LAMB4: variants seen among roughly 807,000 people sequenced by gnomAD.
LAMB4 encodes the protein laminin subunit beta 4, also known as laminin subunit beta-4.
A neutral mutation model predicts 199.2 loss-of-function variants in LAMB4; 196 were observed. The ratio of observed to expected loss-of-function variants is 0.98; its 90% CI spans 0.88 to 1.11. The LOEUF (loss-of-function observed/expected upper bound fraction) is 1.11. LAMB4 is among the 50% of genes least tolerant of loss of function. LAMB4 has a pLI of 0.00. For missense variants in LAMB4, 2,080 were observed against 2,171.2 expected (o/e 0.96, Z 0.83); for synonymous variants, 744 against 770.6 (o/e 0.97, Z 0.57).
At position 108,078,228 on chromosome 7, in the gene LAMB4, T is replaced by G. The variant is rs1340821831; in HGVS notation, c.1976A>C (p.Gln659Pro). ...CIPKTLQSKP[Q>P]SFALPAATRI... ...CGTAGCCGCTGGTAAGGCAAAAGAC[T>G]GAGGCTTTGACTGTAGAGTCTTGGG... Residue 659 changes from glutamine (Q) to proline (P), a missense_variant, in exon 16 of 34, where the codon CAG becomes CCG. Coordinates refer to ENST00000388781, the MANE Select transcript of LAMB4 (RefSeq NM_007356.3). 2 of 1,610,770 alleles carry G rather than the reference T, an allele frequency of 1.2e-6. No homozygotes were observed. Among genetic ancestry groups the G allele is most frequent in the Non-Finnish European group, 1.7e-6 (2 of 1,178,408 alleles).
At chr7:108,092,127 C>T (rs1233860168) in intron 13 of LAMB4, among the ~76,000 whole-genome samples, 4 of 152,092 alleles carry the variant, frequency 2.6e-5, no homozygotes, top group Admixed American at 2.6e-4. Context: ...ACCCATGCCA[C>T]CAGCTTGTGG....
chr7:108,057,150 C>T (rs113916826), intron 24 of LAMB4, among the ~76,000 whole-genome samples: 129 of 152,244 alleles, frequency 8.5e-4, no homozygotes, highest in South Asian at 8.3e-4. Flanking sequence ...CATCCTTAGC[C>T]GCTCTTCCCC....
At chr7:108,013,645 C>T in the LAMB4 span, among the ~76,000 whole-genome samples, 2 of 152,154 alleles carry the variant, frequency 1.3e-5, no homozygotes, top group African/African-American at 4.8e-5. Flanking sequence ...AAATTATAAT[C>T]GGGAAGGTAA....
chr7:108,031,749 A>G (rs1283855768), intron 31 of LAMB4, among the ~76,000 whole-genome samples: 4 of 152,186 alleles, frequency 2.6e-5, no homozygotes, highest in Admixed American at 2.6e-4. Flanking sequence ...AATTTTTACC[A>G]GTTTAAAGCA....
chr7:108,050,658 C>A (rs554787039), intron 26 of LAMB4, among the ~76,000 whole-genome samples: 16 of 152,256 alleles, frequency 1.1e-4, no homozygotes, highest in African/African-American at 3.9e-4. Context: ...AGGAGACAAC[C>A]ACACCTTATC....
At chr7:108,090,376 T>A (rs1055841384) in intron 14 of LAMB4, among the ~76,000 whole-genome samples, 2 of 152,228 alleles carry the variant, frequency 1.3e-5, no homozygotes, top group Non-Finnish European at 1.5e-5. Flanking sequence ...TCTTTTGTCA[T>A]AGGTATTATT....
At chr7:108,046,587 A>G (rs2035634282) in intron 28 of LAMB4, among the ~76,000 whole-genome samples, 2 of 152,170 alleles carry the variant, frequency 1.3e-5, no homozygotes, top group African/African-American at 4.8e-5. Flanking sequence ...TTCTCAAAAA[A>G]AAAGTCTAAA....
chr7:108,045,449 C>T (rs913241287), intron 28 of LAMB4, among the ~76,000 whole-genome samples: 1 of 152,164 alleles, frequency 6.6e-6, no homozygotes, highest in Non-Finnish European at 1.5e-5. Flanking sequence ...CACACCATTT[C>T]ATCAACATGA....
chr7:108,086,000 T>A (rs1242082985), intron 14 of LAMB4, among the ~76,000 whole-genome samples: 1 of 152,162 alleles, frequency 6.6e-6, no homozygotes, highest in Non-Finnish European at 1.5e-5. Context: ...TGCTGCCAGA[T>A]CCCCTTTACT....
intron 23 of LAMB4, among the ~76,000 whole-genome samples, chr7:108,058,920 G>C (rs755028609): frequency 1.4e-4 from 21 of 151,898 alleles, no homozygotes; most frequent in Non-Finnish European, 2.8e-4. Context: ...GCCTCCCAAA[G>C]TGCTGGGATT....
the LAMB4 span, among the ~76,000 whole-genome samples, chr7:108,016,275 ATTTTTTTTTTTTTT>A: frequency 1.0e-5 from 1 of 97,834 alleles, no homozygotes; most frequent in African/African-American, 4.8e-5. Context: ...GCATTTTGGA[ATTTTTTTTTTTTTT>A]TTTTTTTTTT....
At chr7:108,072,312 G>A (rs879930933) in intron 17 of LAMB4, among the ~76,000 whole-genome samples, 1 of 152,048 alleles carries the variant, frequency 6.6e-6, no homozygotes, top group Admixed American at 6.5e-5. Context: ...ACTTCATTGT[G>A]TCTTCTGGTG....
intron 13 of LAMB4, 122 bp from the exon 14 acceptor site, chr7:108,091,898 G>C (rs1050409488): frequency 1.1e-6 from 1 of 948,752 alleles, no homozygotes; most frequent in African/African-American, 1.6e-5. Flanking sequence ...TCAATCAATG[G>C]TCCTGTGGGA....
chr7:108,058,080 C>T (rs2036044130), intron 23 of LAMB4, 152 bp from the exon 24 acceptor site: 4 of 632,428 alleles, frequency 6.3e-6, no homozygotes, highest in East Asian at 5.5e-5. Flanking sequence ...CAGCCACCCC[C>T]GACAATACCA....
rs2036462616 is a variant in LAMB4, at chr7:108,069,656, G to A, written c.2302+52C>T. The stretch of plus-strand genomic sequence containing the variant: ...AACATAAATTGATTTGCTCCAAAAA[G>A]CATTTGTATGGATGTCAGTGCCTCA... On this transcript the variant is annotated intron_variant, in intron 18 of 33. Coordinates refer to ENST00000388781, the MANE Select transcript of LAMB4 (RefSeq NM_007356.3). The A allele has an allele frequency of 5.2e-6, 8 of 1,523,816 alleles. 1 individual carries two copies. The highest frequency in any genetic ancestry group is 7.2e-6 in the Non-Finnish European group (8 of 1,116,188). 94.4% of individuals were successfully genotyped at this position (1,523,816 alleles called of 1,614,324 possible). A position where few individuals can be genotyped will look rare whatever the true frequency, so the allele number is the denominator to read the frequency against.
Position 108,055,740 on chromosome 7 carries a change from T to C in LAMB4, c.3647A>G (p.Asp1216Gly). Residue 1216 changes from aspartate (D) to glycine (G), a missense_variant, in exon 25 of 34, where the codon GAC becomes GGC. Transcript: ENST00000388781. ...KRETLPVCEA[D>G]FKDLRGNVSE... ...CACGTTCCCTCTGAGGTCTTTGAAGTCTGCCTCACAGACAGGCAGGGTCTC... is the reference window on the plus strand; with the variant it reads ...CACGTTCCCTCTGAGGTCTTTGAAGCCTGCCTCACAGACAGGCAGGGTCTC... 1.9e-6 allele frequency: 3 copies of C among 1,614,152 alleles called. No individual in the cohort carries two copies. The highest frequency in any genetic ancestry group is 2.5e-6 in the Non-Finnish European group (3 of 1,179,952).
intron 4 of LAMB4, among the ~76,000 whole-genome samples, chr7:108,111,147 G>T (rs956903100): frequency 6.6e-6 from 1 of 152,156 alleles, no homozygotes; most frequent in Non-Finnish European, 1.5e-5. Context: ...AGGAAAGTCC[G>T]GCCTGGATGG....
chr7:108,101,992 A>G (rs1447360695), intron 10 of LAMB4, among the ~76,000 whole-genome samples: 2 of 152,168 alleles, frequency 1.3e-5, no homozygotes, highest in African/African-American at 2.4e-5. Flanking sequence ...AGGAACTCCC[A>G]TTTACTATTG....
At chr7:108,069,918 A>G in intron 17 of LAMB4, 33 bp from the exon 18 acceptor site, 1 of 1,570,648 alleles carries the variant, frequency 6.4e-7, no homozygotes, top group South Asian at 1.1e-5. Flanking sequence ...CTTAACATTC[A>G]AACTATCTGC....
Sources: gnomAD v4.1 joint callset for allele counts (sites outside exome capture counted in the v4.1 genomes callset) on GRCh38, gnomAD v4.1.1 for gene constraint, MANE v1.5 for transcripts, NCBI Gene and HGNC (gene_info 2026-07-23, HGNC 2026-07-21) for gene names.